Variants in FBXL20 observed in about 807,000 individuals in gnomAD.
FBXL20 encodes F-box and leucine rich repeat protein 20.
In FBXL20, 11 loss-of-function variants were observed where a neutral mutation model predicts 64.0. The ratio of observed to expected loss-of-function variants is 0.17; its 90% CI spans 0.11 to 0.28. The LOEUF (loss-of-function observed/expected upper bound fraction) is 0.28. Ranked by LOEUF, FBXL20 falls within the 10% of genes least tolerant of loss-of-function variation. The pLI is 1.00. For missense variants in FBXL20, 303 were observed against 526.2 expected (o/e 0.58, Z 4.15); for synonymous variants, 184 against 189.0 (o/e 0.97, Z 0.22).
At chr17:39,317,902 C>T (rs572164793) in intron 2 of FBXL20, among the ~76,000 whole-genome samples, 23 of 151,306 alleles carry the variant, frequency 1.5e-4, no homozygotes, top group East Asian at 9.9e-4. Flanking sequence ...GGAGTTTCAC[C>T]GTGTTAGCCG....
intron 1 of FBXL20, among the ~76,000 whole-genome samples, chr17:39,390,963 T>C (rs1346732271): frequency 6.6e-6 from 1 of 152,058 alleles, no homozygotes; most frequent in Non-Finnish European, 1.5e-5. Flanking sequence ...AGAGAACTGC[T>C]TGAACCCAGG....
At chr17:39,337,295 G>T (rs1328339005) in intron 2 of FBXL20, among the ~76,000 whole-genome samples, 4 of 152,106 alleles carry the variant, frequency 2.6e-5, no homozygotes, top group African/African-American at 9.7e-5. Context: ...GTGCTCAATG[G>T]TGCCCAGGCT....
At chr17:39,389,173 A>G (rs1468739192) in intron 1 of FBXL20, among the ~76,000 whole-genome samples, 1 of 151,704 alleles carries the variant, frequency 6.6e-6, no homozygotes, top group African/African-American at 2.4e-5. Flanking sequence ...ACCCCAGTCA[A>G]CTGTGACTAA....
chr17:39,345,844 A>T (rs1322874702), intron 1 of FBXL20, among the ~76,000 whole-genome samples: 1 of 152,098 alleles, frequency 6.6e-6, no homozygotes, highest in African/African-American at 2.4e-5. Context: ...CCTGGCCTAA[A>T]TATTTTCTGA....
At chr17:39,322,747 A>T (rs1178117679) in intron 2 of FBXL20, among the ~76,000 whole-genome samples, 2 of 151,880 alleles carry the variant, frequency 1.3e-5, no homozygotes, top group Non-Finnish European at 2.9e-5. Flanking sequence ...CATAGGAAAT[A>T]AAAAAAACAA....
intron 1 of FBXL20, among the ~76,000 whole-genome samples, chr17:39,391,185 G>C (rs1028373338): frequency 3.3e-5 from 5 of 151,504 alleles, no homozygotes; most frequent in Admixed American, 1.3e-4. Flanking sequence ...GGGTGGCCAA[G>C]GTGGGAGGAT....
At chr17:39,272,547 A>C (rs2046853692) in intron 10 of FBXL20, among the ~76,000 whole-genome samples, 1 of 151,510 alleles carries the variant, frequency 6.6e-6, no homozygotes, top group Admixed American at 6.6e-5. Context: ...AAAAATACCA[A>C]AAAAATTGGC....
chr17:39,277,600 T>C (rs979089575), intron 9 of FBXL20, among the ~76,000 whole-genome samples: 8 of 151,614 alleles, frequency 5.3e-5, no homozygotes. Context: ...TAAAGATACA[T>C]AAAATTAGCC....
chr17:39,402,213 G>A (rs758915306), upstream of FBXL20: 4 of 1,232,006 alleles, frequency 3.2e-6, no homozygotes, highest in Admixed American at 4.2e-5. Context: ...GTCCCTGCTC[G>A]GAGCCATTTT....
chr17:39,355,379 T>C (rs554602069), intron 1 of FBXL20, among the ~76,000 whole-genome samples: 19 of 152,104 alleles, frequency 1.2e-4, no homozygotes, highest in Middle Eastern at 3.4e-3. Context: ...CACCTGGCCT[T>C]CTTCATATAT....
intron 2 of FBXL20, among the ~76,000 whole-genome samples, chr17:39,314,785 A>G (rs1903920505): frequency 6.9e-6 from 1 of 144,890 alleles, no homozygotes; most frequent in Non-Finnish European, 1.5e-5. Context: ...TAATTTCTCC[A>G]TATCCTTTTC....
Position 39,339,921 on chromosome 17 carries a change from C to A in FBXL20, c.104+3259G>T, listed in dbSNP as rs563338384. The stretch of plus-strand genomic sequence containing the variant: ...TCAGCCTCCCAAAGTGCTGGGATTA[C>A]AGGCATGAGCCACCGTAACTGGATT... On this transcript the variant is annotated intron_variant, in intron 2 of 14. Coordinates refer to ENST00000264658, the MANE Select transcript of FBXL20 (RefSeq NM_032875.3). 1.1e-4 allele frequency among the ~76,000 whole-genome samples: 16 copies of A among 152,122 alleles called. No individual in the cohort carries two copies. The South Asian group carries it at 3.1e-3, about 30-fold the overall frequency.
chr17:39,301,738 A>C (rs149006407), intron 3 of FBXL20, among the ~76,000 whole-genome samples: 1 of 151,892 alleles, frequency 6.6e-6, no homozygotes. Flanking sequence ...GGGGGGAAAA[A>C]TTAAAAAAAT....
At chr17:39,321,389 C>T (rs1274961948) in intron 2 of FBXL20, among the ~76,000 whole-genome samples, 1 of 150,440 alleles carries the variant, frequency 6.6e-6, no homozygotes, top group African/African-American at 2.5e-5. Flanking sequence ...GGAGTTGAAC[C>T]CAGGAGTTGG....
chr17:39,315,870 A>AGAGAGAGCGC (rs1267884348), intron 2 of FBXL20, among the ~76,000 whole-genome samples: 7 of 139,318 alleles, frequency 5.0e-5, no homozygotes, highest in Non-Finnish European at 9.3e-5. Flanking sequence ...AGAGAGAGAG[A>AGAGAGAGCGC]GCAACTGTAG....
At chr17:39,309,700 G>T (rs1466688238) in intron 2 of FBXL20, among the ~76,000 whole-genome samples, 1 of 150,752 alleles carries the variant, frequency 6.6e-6, no homozygotes, top group Non-Finnish European at 1.5e-5. Flanking sequence ...ACTTGCACAG[G>T]AGATTTGTTT....
intron 1 of FBXL20, among the ~76,000 whole-genome samples, chr17:39,389,104 CAAAAAAAAAA>C (rs752930971): frequency 1.3e-4 from 7 of 52,706 alleles, no homozygotes; most frequent in South Asian, 8.9e-4. Flanking sequence ...AACTCCATCT[CAAAAAAAAAA>C]AAAAAAAAAA....
At chr17:39,355,797 G>C (rs1338164425) in intron 1 of FBXL20, among the ~76,000 whole-genome samples, 1 of 147,086 alleles carries the variant, frequency 6.8e-6, no homozygotes, top group Admixed American at 6.9e-5. Flanking sequence ...AGAGGTTGCA[G>C]TGAGCTGAGA....
intron 2 of FBXL20, among the ~76,000 whole-genome samples, chr17:39,311,399 T>C (rs549839790): frequency 6.6e-6 from 1 of 152,314 alleles, no homozygotes; most frequent in African/African-American, 2.4e-5. Context: ...TTCCAAGTCT[T>C]ACCTGGGTTC....
Sources: gnomAD v4.1 joint callset for allele counts (sites outside exome capture counted in the v4.1 genomes callset) on GRCh38, gnomAD v4.1.1 for gene constraint, MANE v1.5 for transcripts, NCBI Gene and HGNC (gene_info 2026-07-23, HGNC 2026-07-21) for gene names.